Variants in NTRK1 observed in about 807,000 individuals in gnomAD.
The protein encoded by NTRK1 is neurotrophic receptor tyrosine kinase 1.
Under a neutral mutation model 86.8 loss-of-function variants are expected in NTRK1, and 62 were observed. The observed-to-expected ratio is 0.71, with a 90% CI of 0.58 to 0.88. The LOEUF is 0.88. NTRK1 is among the 40% of genes least tolerant of loss of function. The pLI is 0.00. For missense variants in NTRK1, 967 were observed against 1,078.4 expected, an observed-to-expected ratio of 0.90 and a Z score of 1.45; for synonymous variants, 469 against 456.6, an observed-to-expected ratio of 1.03 and a Z score of -0.35.
In NTRK1 at chr1:156,866,060, G is replaced by T. The variant is rs144865988; in HGVS notation, c.360-850G>T. Among the ~76,000 whole-genome samples, 236 of 152,326 alleles carry T rather than the reference G, an allele frequency of 1.5e-3. 1 individual carries two copies. Among genetic ancestry groups the T allele is most frequent in the African/African-American group, 5.4e-3 (223 of 41,558 alleles). On this transcript the variant is annotated intron_variant, in intron 3 of 16. Transcript: ENST00000524377. ...GATGAGAATTCTGAGAATCAGAGAGGTTGAGTTTCTGGACTGAGGTCACAC... is the reference window on the plus strand; with the variant it reads ...GATGAGAATTCTGAGAATCAGAGAGTTTGAGTTTCTGGACTGAGGTCACAC...
At chr1:156,881,358 T>G in intron 16 of NTRK1, 99 bp from the exon 17 acceptor site, 46 of 1,201,404 alleles carry the variant, frequency 3.8e-5, no homozygotes, top group Non-Finnish European at 4.9e-5. Flanking sequence ...ACGAGTAGTG[T>G]GAGCTGCCTT....
chr1:156,863,039 G>A (rs919451373), intron 1 of NTRK1, among the ~76,000 whole-genome samples: 30 of 150,952 alleles, frequency 2.0e-4, no homozygotes, highest in African/African-American at 7.1e-4. Context: ...TCTGAGAACC[G>A]TCAGTGAGTC....
At chr1:156,829,821 T>A (rs896942942) in intron 1 of NTRK1, among the ~76,000 whole-genome samples, 1 of 152,170 alleles carries the variant, frequency 6.6e-6, no homozygotes, top group East Asian at 1.9e-4. Context: ...TCCGGCGAAT[T>A]TTGTATTTTT....
chr1:156,833,242 C>T (rs1558078630), intron 1 of NTRK1, among the ~76,000 whole-genome samples: 1 of 152,222 alleles, frequency 6.6e-6, no homozygotes, highest in African/African-American at 2.4e-5. Context: ...TGTGAGCTTA[C>T]CAGATTGTTT....
chr1:156,871,607 C>G lies in NTRK1; in HGVS notation c.718-16C>G, dbSNP rs1372965132. On this transcript the variant is annotated splice_polypyrimidine_tract_variant and intron_variant, in intron 6 of 16. Transcript: ENST00000524377. The stretch of plus-strand genomic sequence containing the variant: ...CTAAAGCTCCTTCTTATTCCCCCCT[C>G]TCTTTCCTGATCTAGAAATCTGGGG... 1 of 1,614,086 alleles carries G rather than the reference C, an allele frequency of 6.2e-7. No individual in the cohort carries two copies. Among genetic ancestry groups the G allele is most frequent in the African/African-American group, 1.3e-5 (1 of 75,028 alleles).
At chr1:156,868,744 C>G in intron 6 of NTRK1, 97 bp downstream of exon 6, 2 of 1,494,754 alleles carry the variant, frequency 1.3e-6, no homozygotes, top group East Asian at 2.5e-5. Context: ...AAAGAGACAA[C>G]GAATAAGGAG....
intron 2 of NTRK1, chr1:156,851,464 G>T: frequency 1.2e-6 from 2 of 1,613,708 alleles, no homozygotes; most frequent in South Asian, 2.2e-5. Flanking sequence ...GCTGGAGTAG[G>T]AGCAAGGAAG....
At chr1:156,828,102 C>A (rs1217757186) in intron 1 of NTRK1, among the ~76,000 whole-genome samples, 1 of 152,154 alleles carries the variant, frequency 6.6e-6, no homozygotes, top group Non-Finnish European at 1.5e-5. Flanking sequence ...CATGAGCCAC[C>A]ACATCCAGCC....
rs56185968 is a variant in NTRK1, at chr1:156,875,700, AGTGTGTGTGT to A, written c.1501+61_1501+70del. 1,542 of 1,386,872 alleles carry A rather than the reference AGTGTGTGTGT, an allele frequency of 1.1e-3. 1 individual carries two copies. The highest frequency in any genetic ancestry group is 1.4e-3 in the Non-Finnish European group (1,404 of 1,006,886). 85.9% of individuals were successfully genotyped at this position (1,386,872 alleles called of 1,614,324 possible). A position where few individuals can be genotyped will look rare whatever the true frequency, so the allele number is the denominator to read the frequency against. On this transcript the variant is annotated intron_variant, in intron 12 of 16. Coordinates refer to ENST00000524377, the MANE Select transcript of NTRK1 (RefSeq NM_002529.4). ...CTATGCTGGGTCAAGGGCAGGGACG[AGTGTGTGTGT>A]GTGTGTGTGTGTGTGTGTGTGTGTG...
At chr1:156,817,642 CTT>C (rs1317245406) in intron 1 of NTRK1, among the ~76,000 whole-genome samples, 56 of 131,198 alleles carry the variant, frequency 4.3e-4, no homozygotes, top group South Asian at 2.2e-3. Context: ...GTGTTGACAT[CTT>C]TTTTTTTTTT....
intron 2 of NTRK1, chr1:156,844,658 C>A: frequency 6.2e-7 from 1 of 1,613,760 alleles, no homozygotes; most frequent in Non-Finnish European, 8.5e-7. Context: ...GCTGGGAAGG[C>A]GATGTAGGCA....
intron 2 of NTRK1, chr1:156,851,401 C>T (rs371351281): frequency 1.4e-5 from 23 of 1,614,142 alleles, no homozygotes; most frequent in Non-Finnish European, 1.8e-5. Context: ...TTCTACCAGC[C>T]CCAGGCTGTG....
At chr1:156,842,013 A>T in intron 1 of NTRK1, 1 of 1,585,700 alleles carries the variant, frequency 6.3e-7, no homozygotes, top group Non-Finnish European at 8.6e-7. Context: ...CAAGGGTCTC[A>T]CAGGCTGTCA....
chr1:156,861,443 G>T (rs1655649258), intron 1 of NTRK1, among the ~76,000 whole-genome samples: 1 of 152,202 alleles, frequency 6.6e-6, no homozygotes. Flanking sequence ...CGTCTAGAAG[G>T]CGCTTTCTGG....
chr1:156,861,102 G>C lies in NTRK1; in HGVS notation c.168G>C (p.Leu56=). 6.3e-7 allele frequency: 1 copy of C among 1,585,258 alleles called. No homozygotes were observed. Among genetic ancestry groups the C allele is most frequent in the Non-Finnish European group, 8.5e-7 (1 of 1,169,788 alleles). The change falls in exon 1 of 17, where the codon CTG becomes CTC. Residue 56 remains leucine (L), a synonymous_variant. Coordinates refer to ENST00000524377, the MANE Select transcript of NTRK1 (RefSeq NM_002529.4). ...TGCGATGCACCCGGGATGGGGCCCT[G>C]GATAGCCTCCACCACCTGCCCGGCG... ...SGLRCTRDGA[L]DSLHHLPGAE... is the part of the protein sequence containing the mutation.
intron 2 of NTRK1, among the ~76,000 whole-genome samples, chr1:156,850,787 C>T (rs1422240026): frequency 6.6e-6 from 1 of 151,716 alleles, no homozygotes; most frequent in African/African-American, 2.4e-5. Context: ...GAATTCCTGA[C>T]CTCAAGTGAT....
intron 7 of NTRK1, among the ~76,000 whole-genome samples, 154 bp from the exon 8 acceptor site, chr1:156,873,479 C>T (rs1482065908): frequency 6.6e-6 from 1 of 152,168 alleles, no homozygotes; most frequent in Non-Finnish European, 1.5e-5. Context: ...AACATCTCTC[C>T]TTGGTGAATT....
intron 2 of NTRK1, among the ~76,000 whole-genome samples, chr1:156,846,319 T>C (rs530355032): frequency 6.6e-6 from 1 of 152,154 alleles, no homozygotes; most frequent in Admixed American, 6.5e-5. Flanking sequence ...CCTCAGCTAT[T>C]GACCCCGGAC....
chr1:156,879,759 C>A (rs971184596), intron 15 of NTRK1, among the ~76,000 whole-genome samples: 20 of 152,228 alleles, frequency 1.3e-4, no homozygotes, highest in African/African-American at 3.4e-4. Flanking sequence ...ACAGGCCACA[C>A]GCCATCACGC....
Sources: gnomAD v4.1 joint callset for allele counts (sites outside exome capture counted in the v4.1 genomes callset) on GRCh38, gnomAD v4.1.1 for gene constraint, MANE v1.5 for transcripts, NCBI Gene and HGNC (gene_info 2026-07-23, HGNC 2026-07-21) for gene names.